APBA1: variants seen among roughly 807,000 people sequenced by gnomAD.
The protein encoded by APBA1 is amyloid-beta A4 precursor protein-binding family A member 1.
APBA1 carries 55 observed loss-of-function variants against 86.6 expected under a neutral mutation model. The ratio of observed to expected loss-of-function variants is 0.64; its 90% CI spans 0.51 to 0.80. The LOEUF is 0.80. APBA1 is among the 30% of genes least tolerant of loss of function. APBA1 has a pLI of 0.00. For missense variants in APBA1, 1,090 were observed against 1,183.0 expected (o/e 0.92, Z 1.15); for synonymous variants, 511 against 493.9 (o/e 1.03, Z -0.46).
chr9:69,434,743 T>C (rs1046991983), intron 11 of APBA1, among the ~76,000 whole-genome samples: 5 of 152,232 alleles, frequency 3.3e-5, no homozygotes, highest in African/African-American at 1.2e-4. Flanking sequence ...GCTACATTTT[T>C]TTAAAGCATT....
rs969856100 is a variant in APBA1, at chr9:69,482,646, T to C, written c.1201-6503A>G. The stretch of plus-strand genomic sequence containing the variant: ...GGGTATATACCCAAAGGACTATAAA[T>C]CATGCTGCTATAAAGACACATGCAC... On this transcript the variant is annotated intron_variant, in intron 2 of 12. Transcript: ENST00000265381. Among the ~76,000 whole-genome samples, 21 of 151,478 alleles carry C rather than the reference T, an allele frequency of 1.4e-4. 1 individual carries two copies. In the East Asian group the frequency reaches 2.5e-3, roughly 18 times the overall value.
rs1811884083 is a variant in APBA1 at position 69,672,295 on chromosome 9, G to A, written c.-212C>T. The A allele has an allele frequency of 5.7e-6, 1 of 175,770 alleles. No individual in the cohort carries two copies. The highest frequency in any genetic ancestry group is 1.2e-5 in the Non-Finnish European group (1 of 86,546). The allele number at this position is 175,770 out of a possible 1,614,324, so 10.9% of individuals were successfully genotyped here. On this transcript the variant is annotated 5_prime_UTR_variant, in exon 1 of 13. Coordinates refer to ENST00000265381, the MANE Select transcript of APBA1 (RefSeq NM_001163.4). ...TTCTCCCGCCGCAGCTGCCGCCGCC[G>A]CCGCCGCCGCCGGGACCGCAGCCGC...
intron 11 of APBA1, among the ~76,000 whole-genome samples, chr9:69,436,130 T>G (rs1226193143): frequency 6.7e-6 from 1 of 149,962 alleles, no homozygotes; most frequent in African/African-American, 2.5e-5. Context: ...TTCTGTTCCA[T>G]TGGTCTATAT....
chr9:69,485,956 C>CT (rs879632826), intron 2 of APBA1, among the ~76,000 whole-genome samples: 1,489 of 145,752 alleles, frequency 0.01, 19 homozygotes, highest in African/African-American at 0.032. Context: ...CATTTTAATT[C>CT]TTTTTTTTTT....
chr9:69,515,694 G>GT (rs1342828508), intron 2 of APBA1, among the ~76,000 whole-genome samples: 2 of 14,840 alleles, frequency 1.3e-4, no homozygotes, highest in Middle Eastern at 0.029. Flanking sequence ...AGAAACTGGG[G>GT]GGGGGGGGGG....
At chr9:69,529,890 G>A (rs1262347039) in intron 1 of APBA1, among the ~76,000 whole-genome samples, 1 of 152,010 alleles carries the variant, frequency 6.6e-6, no homozygotes, top group Non-Finnish European at 1.5e-5. Flanking sequence ...CAAATGACAT[G>A]AGCAGACATT....
intron 2 of APBA1, among the ~76,000 whole-genome samples, chr9:69,510,136 T>C: frequency 7.4e-6 from 1 of 134,652 alleles, no homozygotes. Flanking sequence ...AAATTGTCCC[T>C]GTTTGCAGAT....
At chr9:69,541,263 A>T (rs1197101627) in intron 1 of APBA1, among the ~76,000 whole-genome samples, 4 of 91,962 alleles carry the variant, frequency 4.3e-5, no homozygotes, top group Non-Finnish European at 9.9e-5. Context: ...CCCCCCCCCC[A>T]TTCTGTTTTC....
chr9:69,541,109 G>C (rs1453480925), intron 1 of APBA1, among the ~76,000 whole-genome samples: 1 of 152,034 alleles, frequency 6.6e-6, no homozygotes, highest in East Asian at 1.9e-4. Flanking sequence ...CATTTAGGTT[G>C]TTTCTACACC....
intron 1 of APBA1, among the ~76,000 whole-genome samples, chr9:69,557,730 T>C (rs953927464): frequency 4.6e-5 from 7 of 152,224 alleles, no homozygotes; most frequent in African/African-American, 1.7e-4. Flanking sequence ...GGTTTCCTTT[T>C]GCTTTCGCCT....
At chr9:69,550,851 C>T (rs917254861) in intron 1 of APBA1, among the ~76,000 whole-genome samples, 1 of 152,162 alleles carries the variant, frequency 6.6e-6, no homozygotes, top group Non-Finnish European at 1.5e-5. Flanking sequence ...GAGCATCATA[C>T]AGTCCTCTAC....
chr9:69,611,628 C>A (rs1044008825), intron 1 of APBA1, among the ~76,000 whole-genome samples: 1 of 152,180 alleles, frequency 6.6e-6, no homozygotes, highest in African/African-American at 2.4e-5. Flanking sequence ...GGAACACGTT[C>A]CATTTTGTCA....
chr9:69,454,685 G>A (rs547433747), intron 8 of APBA1, among the ~76,000 whole-genome samples: 1 of 152,200 alleles, frequency 6.6e-6, no homozygotes, highest in African/African-American at 2.4e-5. Flanking sequence ...CTTCCCTGAT[G>A]GATCCAAGGG....
At chr9:69,620,562 A>G (rs1192309423) in intron 1 of APBA1, among the ~76,000 whole-genome samples, 1 of 152,182 alleles carries the variant, frequency 6.6e-6, no homozygotes, top group African/African-American at 2.4e-5. Flanking sequence ...CTGTAGTCCT[A>G]GCTACTTGGG....
intron 1 of APBA1, among the ~76,000 whole-genome samples, chr9:69,531,317 C>G (rs1259500362): frequency 2.6e-5 from 4 of 152,030 alleles, no homozygotes; most frequent in Admixed American, 2.0e-4. Context: ...AAAGTGCGTA[C>G]CATCACCCTC....
At chr9:69,640,637 AC>A (rs1447052704) in intron 1 of APBA1, among the ~76,000 whole-genome samples, 1 of 152,082 alleles carries the variant, frequency 6.6e-6, no homozygotes, top group Non-Finnish European at 1.5e-5. Context: ...TTCTCAGAAG[AC>A]AGAAACTGAC....
Position 69,457,046 on chromosome 9 carries a change from C to G in APBA1, c.1602+7G>C. The G allele has an allele frequency of 1.2e-6, 2 of 1,613,304 alleles. No homozygotes were observed. Among genetic ancestry groups the G allele is most frequent in the Non-Finnish European group, 1.7e-6 (2 of 1,179,268 alleles). On this transcript the variant is annotated splice_region_variant and intron_variant, in intron 7 of 12. Coordinates refer to ENST00000265381, the MANE Select transcript of APBA1 (RefSeq NM_001163.4). ...TCACCCTGGGAAAGGTGGAAGCCAGCTGATACCTGTGTGTCGGCGTTCAGC... is the reference window on the plus strand; with the variant it reads ...TCACCCTGGGAAAGGTGGAAGCCAGGTGATACCTGTGTGTCGGCGTTCAGC...
chr9:69,580,739 A>G (rs145236268), intron 1 of APBA1, among the ~76,000 whole-genome samples: 2 of 152,124 alleles, frequency 1.3e-5, no homozygotes, highest in African/African-American at 4.8e-5. Context: ...GTTCCACATG[A>G]CACATACTGA....
intron 8 of APBA1, among the ~76,000 whole-genome samples, chr9:69,453,050 C>G (rs1835038555): frequency 6.6e-6 from 1 of 152,248 alleles, no homozygotes; most frequent in Admixed American, 6.5e-5. Flanking sequence ...GCATAAGCAT[C>G]TCACTATCTC....
Sources: gnomAD v4.1 joint callset for allele counts (sites outside exome capture counted in the v4.1 genomes callset) on GRCh38, gnomAD v4.1.1 for gene constraint, MANE v1.5 for transcripts, NCBI Gene and HGNC (gene_info 2026-07-23, HGNC 2026-07-21) for gene names.